MAN1C1: variants seen among roughly 807,000 people sequenced by gnomAD.
MAN1C1 encodes mannosyl-oligosaccharide 1,2-alpha-mannosidase IC.
MAN1C1 carries 49 observed loss-of-function variants against 71.5 expected under a neutral mutation model. That is an observed-to-expected ratio of 0.69 (90% confidence interval 0.54 to 0.87). MAN1C1 has a LOEUF of 0.87. Among genes scored for constraint, MAN1C1 ranks in the 40% least tolerant of loss-of-function variants. MAN1C1 has a pLI of 0.00. For synonymous variants in MAN1C1, 352 were observed against 343.7 expected, an observed-to-expected ratio of 1.02 and a Z score of -0.27; for missense variants, 743 against 835.0, an observed-to-expected ratio of 0.89 and a Z score of 1.36.
intron 2 of MAN1C1, among the ~76,000 whole-genome samples, chr1:25,719,320 G>A (rs191161540): frequency 3.1e-4 from 47 of 150,608 alleles, no homozygotes; most frequent in Admixed American, 7.3e-4. Context: ...TGATCCGCCC[G>A]CCTCAGCCTC....
chr1:25,749,724 A>T (rs755450806), intron 4 of MAN1C1, among the ~76,000 whole-genome samples: 1 of 152,142 alleles, frequency 6.6e-6, no homozygotes, highest in Non-Finnish European at 1.5e-5. Flanking sequence ...GGGTCCATAC[A>T]TCATCCACTC....
intron 1 of MAN1C1, among the ~76,000 whole-genome samples, chr1:25,671,156 G>C (rs1016786310): frequency 1.3e-5 from 2 of 152,250 alleles, no homozygotes; most frequent in Non-Finnish European, 2.9e-5. Flanking sequence ...TGGGATTACA[G>C]GCTTGAGCCA....
At chr1:25,698,949 G>GA (rs550083045) in intron 2 of MAN1C1, among the ~76,000 whole-genome samples, 7,011 of 117,156 alleles carry the variant, frequency 0.06, 321 homozygotes, top group East Asian at 0.2. Flanking sequence ...CTCTGTCTTG[G>GA]AAAAAAAAAA....
At chr1:25,745,018 G>A (rs1306318836) in intron 2 of MAN1C1, among the ~76,000 whole-genome samples, 1 of 152,216 alleles carries the variant, frequency 6.6e-6, no homozygotes, top group East Asian at 1.9e-4. Flanking sequence ...TTGATGGGAG[G>A]CGCCACCTCT....
rs542202339 is a variant in MAN1C1, at chr1:25,699,879, A to G, written c.637+13343A>G. Reference sequence around the variant, plus strand: ...AGCCAGGGCTTCACTTCCCGCTGCCACTCGGGGCCTCTGAGGCAGGCAGAT... The same window carrying G: ...AGCCAGGGCTTCACTTCCCGCTGCCGCTCGGGGCCTCTGAGGCAGGCAGAT... On this transcript the variant is annotated intron_variant, in intron 2 of 11. Coordinates refer to ENST00000374332, the MANE Select transcript of MAN1C1 (RefSeq NM_020379.4). Among the ~76,000 whole-genome samples, 3 of 152,250 alleles carry G rather than the reference A, an allele frequency of 2.0e-5. No individual in the cohort carries two copies. The East Asian group carries it at 5.8e-4, about 29-fold the overall frequency.
At chr1:25,766,745 C>A (rs555590787) in intron 7 of MAN1C1, among the ~76,000 whole-genome samples, 1 of 152,242 alleles carries the variant, frequency 6.6e-6, no homozygotes, top group East Asian at 1.9e-4. Context: ...GGAGGGGTCA[C>A]CAGCCCCTCG....
At chr1:25,745,558 C>T (rs548060527) in intron 2 of MAN1C1, among the ~76,000 whole-genome samples, 20 of 152,234 alleles carry the variant, frequency 1.3e-4, no homozygotes, top group Non-Finnish European at 2.6e-4. Context: ...AAAAAGATCC[C>T]GTGGATGTCT....
At chr1:25,774,903 G>A (rs142824609) in intron 8 of MAN1C1, among the ~76,000 whole-genome samples, 106 of 151,652 alleles carry the variant, frequency 7.0e-4, no homozygotes, top group Middle Eastern at 3.5e-3. Flanking sequence ...TTTACCAGTC[G>A]TCTGCCAGCC....
At chr1:25,700,525 G>T (rs2124215917) in intron 2 of MAN1C1, among the ~76,000 whole-genome samples, 1 of 152,324 alleles carries the variant, frequency 6.6e-6, no homozygotes, top group Non-Finnish European at 1.5e-5. Flanking sequence ...ATGTGAAAAT[G>T]AGCAGAACAC....
At chr1:25,680,814 T>TG (rs2046140891) in intron 1 of MAN1C1, among the ~76,000 whole-genome samples, 1 of 152,210 alleles carries the variant, frequency 6.6e-6, no homozygotes, top group East Asian at 1.9e-4. Flanking sequence ...GTTATCTTTC[T>TG]GGGGTATGTG....
intron 7 of MAN1C1, among the ~76,000 whole-genome samples, chr1:25,767,174 C>A (rs1387656540): frequency 1.4e-5 from 2 of 145,928 alleles, no homozygotes; most frequent in Admixed American, 6.9e-5. Context: ...ACACCCCTAC[C>A]ACCCCACCCA....
rs915642100 is a variant in MAN1C1 at position 25,769,730 on chromosome 1, G to A, written c.1142-1927G>A. 5.9e-5 allele frequency among the ~76,000 whole-genome samples: 9 copies of A among 151,986 alleles called. No individual in the cohort carries two copies. The highest frequency in any genetic ancestry group is 1.4e-4 in the African/African-American group (6 of 41,462). ...AGTTACTGGGCACAGAGCGGGAGTC[G>A]CATGCAATCCCTCCCCACAAAGAGC... On this transcript the variant is annotated intron_variant, in intron 7 of 11. Transcript: ENST00000374332. The surrounding 1 kb of genome is among the most constrained non-coding windows in gnomAD (Gnocchi z 4.8).
intron 1 of MAN1C1, among the ~76,000 whole-genome samples, chr1:25,679,978 T>TACACAC (rs765199500): frequency 2.3e-4 from 29 of 127,196 alleles, no homozygotes; most frequent in African/African-American, 4.5e-4. Context: ...TATATATATA[T>TACACAC]ACACACACAC....
chr1:25,653,547 G>A (rs773696159), intron 1 of MAN1C1, among the ~76,000 whole-genome samples: 1 of 152,204 alleles, frequency 6.6e-6, no homozygotes, highest in Non-Finnish European at 1.5e-5. Flanking sequence ...GGCTTCTCAA[G>A]TGGGGTGCTC....
At chr1:25,632,648 C>T (rs2045399680) in intron 1 of MAN1C1, among the ~76,000 whole-genome samples, 1 of 152,106 alleles carries the variant, frequency 6.6e-6, no homozygotes, top group South Asian at 2.1e-4. Flanking sequence ...TATAAACTTT[C>T]CTGTTAGCAC....
rs543398017 is a variant in MAN1C1 at position 25,755,176 on chromosome 1, C to T, written c.929+1598C>T. Among the ~76,000 whole-genome samples, 6 of 152,272 alleles carry T rather than the reference C, an allele frequency of 3.9e-5. No homozygotes were observed. In the South Asian group the frequency reaches 6.2e-4, roughly 16 times the overall value. On this transcript the variant is annotated intron_variant, in intron 5 of 11. Coordinates refer to ENST00000374332, the MANE Select transcript of MAN1C1 (RefSeq NM_020379.4). Reference sequence around the variant, plus strand: ...GGTGGGAAGGACCCTGAGGAGAGGCCGTTCCCTGGCAGGTGTGAGCTGCAC... The same window carrying T: ...GGTGGGAAGGACCCTGAGGAGAGGCTGTTCCCTGGCAGGTGTGAGCTGCAC...
In MAN1C1 at chr1:25,634,339, T is replaced by G. The variant is rs75327632; in HGVS notation, c.540+16002T>G. Among the ~76,000 whole-genome samples, 677 of 152,326 alleles carry G rather than the reference T, an allele frequency of 4.4e-3. 6 individuals are homozygous for G. Among genetic ancestry groups the G allele is most frequent in the African/African-American group, 0.015 (644 of 41,558 alleles). On this transcript the variant is annotated intron_variant, in intron 1 of 11. Transcript: ENST00000374332. This position sits in a 1 kb window ranked among gnomAD's most constrained non-coding sequence, Gnocchi z 4.6. ...GGAAAAGCAGCCAGTCTTTCATCATTAAGTATGATGTTAGATGTAGGTTTT... is the reference window on the plus strand; with the variant it reads ...GGAAAAGCAGCCAGTCTTTCATCATGAAGTATGATGTTAGATGTAGGTTTT...
intron 2 of MAN1C1, among the ~76,000 whole-genome samples, chr1:25,692,574 TC>T (rs2046323139): frequency 6.6e-6 from 1 of 152,070 alleles, no homozygotes; most frequent in Admixed American, 6.6e-5. Context: ...ACCCATCTTA[TC>T]CCCATTGCAC....
intron 1 of MAN1C1, among the ~76,000 whole-genome samples, chr1:25,651,327 C>T (rs764616392): frequency 1.1e-4 from 17 of 152,162 alleles, no homozygotes; most frequent in Non-Finnish European, 2.1e-4. Flanking sequence ...TGGTTGGTCC[C>T]GGCCTGCACT....
Sources: gnomAD v4.1 joint callset for allele counts (sites outside exome capture counted in the v4.1 genomes callset) on GRCh38, gnomAD v4.1.1 for gene constraint, Gnocchi (gnomAD v3.1) non-coding constraint, MANE v1.5 for transcripts, NCBI Gene and HGNC (gene_info 2026-07-23, HGNC 2026-07-21) for gene names.